The following WWOX variants were observed in gnomAD, a reference collection of about 807,000 sequenced individuals.
WWOX encodes the protein WW domain containing oxidoreductase, also known as WW domain-containing oxidoreductase.
Under a neutral mutation model 46.2 loss-of-function variants are expected in WWOX, and 69 were observed. The ratio of observed to expected loss-of-function variants is 1.49; its 90% confidence interval spans 1.23 to 1.82. The LOEUF (loss-of-function observed/expected upper bound fraction) is 1.82. Among genes scored for constraint, WWOX ranks in the 40% most tolerant of loss-of-function variants. WWOX has a pLI of 0.00. For synonymous variants in WWOX, 359 were observed against 202.6 expected, an observed-to-expected ratio of 1.77 and a Z score of -6.56; for missense variants, 919 against 542.6, an observed-to-expected ratio of 1.69 and a Z score of -6.89.
chr16:78,236,445 T>G (rs2037440562), intron 5 of WWOX, among the ~76,000 whole-genome samples: 3 of 152,210 alleles, frequency 2.0e-5, no homozygotes, highest in African/African-American at 7.2e-5. Context: ...ATTAAGAGCT[T>G]CAAGGGTCAT....
At chr16:78,684,579 C>T (rs1032023589) in intron 8 of WWOX, among the ~76,000 whole-genome samples, 4 of 152,144 alleles carry the variant, frequency 2.6e-5, no homozygotes, top group African/African-American at 7.2e-5. Flanking sequence ...GCTGCAACAT[C>T]CCTGGGGTGG....
chr16:78,815,385 C>A (rs752218071), intron 8 of WWOX, among the ~76,000 whole-genome samples: 1 of 152,092 alleles, frequency 6.6e-6, no homozygotes, highest in Non-Finnish European at 1.5e-5. Context: ...GGAGCTGTTC[C>A]TGCTGTTACT....
At chr16:78,302,554 G>C (rs1182461373) in intron 5 of WWOX, among the ~76,000 whole-genome samples, 1 of 152,156 alleles carries the variant, frequency 6.6e-6, no homozygotes, top group Non-Finnish European at 1.5e-5. Flanking sequence ...AAAATGCTGA[G>C]AGAAATGCCA....
chr16:78,532,473 A>G (rs961372832), intron 8 of WWOX, among the ~76,000 whole-genome samples: 1 of 152,158 alleles, frequency 6.6e-6, no homozygotes, highest in African/African-American at 2.4e-5. Context: ...ATTTTTTTTA[A>G]GGATTGATAC....
intron 8 of WWOX, among the ~76,000 whole-genome samples, chr16:78,634,403 G>C (rs1371004058): frequency 6.6e-6 from 1 of 152,070 alleles, no homozygotes; most frequent in Non-Finnish European, 1.5e-5. Context: ...AGAGCAAGTG[G>C]AGCTGTTCAA....
chr16:79,013,971 T>G (rs2047363557), intron 8 of WWOX, among the ~76,000 whole-genome samples: 1 of 152,190 alleles, frequency 6.6e-6, no homozygotes, highest in African/African-American at 2.4e-5. Context: ...CCGCCGCCTG[T>G]AAGGATTTTT....
intron 5 of WWOX, among the ~76,000 whole-genome samples, chr16:78,380,448 C>G (rs1173021889): frequency 1.3e-5 from 2 of 152,062 alleles, no homozygotes; most frequent in Non-Finnish European, 2.9e-5. Flanking sequence ...GGGGCAAGGA[C>G]TGAAATGGTT....
At chr16:78,697,189 A>T (rs745892876) in intron 8 of WWOX, among the ~76,000 whole-genome samples, 7 of 152,198 alleles carry the variant, frequency 4.6e-5, no homozygotes, top group Non-Finnish European at 8.8e-5. Flanking sequence ...CATTAGTGGG[A>T]TTGCTGGATC....
intron 8 of WWOX, among the ~76,000 whole-genome samples, chr16:79,001,889 C>T (rs977458983): frequency 2.0e-5 from 3 of 152,076 alleles, no homozygotes; most frequent in African/African-American, 7.2e-5. Context: ...TCTAGAGCAA[C>T]CTCTTGGCTT....
rs531371240 is a variant in WWOX at position 78,759,669 on chromosome 16, C to T, written c.1056+326917C>T. Among the ~76,000 whole-genome samples, 18 of 152,318 alleles carry T rather than the reference C, an allele frequency of 1.2e-4. 1 individual carries two copies. The East Asian group carries it at 3.5e-3, about 29-fold the overall frequency. On this transcript the variant is annotated intron_variant, in intron 8 of 8. Transcript: ENST00000566780. ...AATCATCCATTTGGAAGAAGCAGGG[C>T]TGGAATTTGAACATGAGACTGTATG... is the stretch of plus-strand genomic sequence containing the variant.
chr16:78,118,423 C>T (rs1156631118), intron 4 of WWOX, among the ~76,000 whole-genome samples: 2 of 152,142 alleles, frequency 1.3e-5, no homozygotes, highest in East Asian at 3.9e-4. Flanking sequence ...ATTACCGCTG[C>T]TGACTGGATT....
intron 5 of WWOX, among the ~76,000 whole-genome samples, chr16:78,327,615 TGA>T (rs1338224007): frequency 6.6e-6 from 1 of 152,190 alleles, no homozygotes; most frequent in East Asian, 1.9e-4. Context: ...CTCTTTGCCA[TGA>T]CACAGAGATT....
chr16:79,087,113 A>G (rs1050377322), intron 8 of WWOX, among the ~76,000 whole-genome samples: 14 of 152,294 alleles, frequency 9.2e-5, no homozygotes, highest in Middle Eastern at 3.4e-3. Context: ...TGGGAATTGC[A>G]TTTTAGAGGT....
At chr16:78,423,842 T>TC (rs1264627258) in intron 6 of WWOX, among the ~76,000 whole-genome samples, 34 of 122,328 alleles carry the variant, frequency 2.8e-4, no homozygotes, top group South Asian at 1.6e-3. Flanking sequence ...AAAGATCTTG[T>TC]CAAAAAAAAA....
intron 8 of WWOX, among the ~76,000 whole-genome samples, chr16:78,664,087 C>T (rs1392991949): frequency 4.6e-5 from 7 of 152,128 alleles, no homozygotes; most frequent in East Asian, 3.9e-4. Context: ...GAGGACAATG[C>T]GTAGGAGGCA....
At position 78,432,776 on chromosome 16, in the gene WWOX, G is replaced by C. The variant is rs763578418; in HGVS notation, c.1056+24G>C. 1.9e-6 allele frequency: 3 copies of C among 1,613,926 alleles called. No homozygotes were observed. In the South Asian group the frequency reaches 3.3e-5, roughly 18 times the overall value. ...TGGTAAGAGAACAGCTTCTGGCGCC[G>C]CAAACACCTTGGGTCCTAGAGAAAC... On this transcript the variant is annotated intron_variant, in intron 8 of 8. Transcript: ENST00000566780.
chr16:78,298,542 C>T (rs557169927), intron 5 of WWOX, among the ~76,000 whole-genome samples: 11 of 152,154 alleles, frequency 7.2e-5, no homozygotes, highest in East Asian at 1.9e-4. Flanking sequence ...CTGTAATCCC[C>T]GCAGTTTGGG....
chr16:78,265,217 T>G (rs1277022967), intron 5 of WWOX, among the ~76,000 whole-genome samples: 2 of 151,710 alleles, frequency 1.3e-5, no homozygotes, highest in Non-Finnish European at 2.9e-5. Flanking sequence ...GCCAGGCTGG[T>G]CTTGAACTCC....
At chr16:79,051,417 C>G (rs1051037547) in intron 8 of WWOX, among the ~76,000 whole-genome samples, 1 of 152,182 alleles carries the variant, frequency 6.6e-6, no homozygotes, top group African/African-American at 2.4e-5. Flanking sequence ...GGAACCCAGG[C>G]TCCTTCCATT....
Sources: allele counts gnomAD v4.1 joint callset (sites outside exome capture counted in the v4.1 genomes callset), GRCh38; gene constraint gnomAD v4.1.1; transcripts MANE v1.5; gene names NCBI Gene and HGNC (gene_info 2026-07-23, HGNC 2026-07-21).